The following RFX2 variants were observed in gnomAD, a reference collection of about 807,000 sequenced individuals.
The protein encoded by RFX2 is DNA-binding protein RFX2.
A neutral mutation model predicts 87.8 loss-of-function variants in RFX2; 20 were observed. That is an observed-to-expected ratio of 0.23 (90% CI 0.16 to 0.33). RFX2 has a LOEUF of 0.33. Among genes scored for constraint, RFX2 ranks in the 10% least tolerant of loss-of-function variants. RFX2 has a pLI of 1.00. For missense variants in RFX2, 767 were observed against 1,012.3 expected (o/e 0.76, Z 3.29); for synonymous variants, 397 against 431.3 (o/e 0.92, Z 0.98).
intron 5 of RFX2, among the ~76,000 whole-genome samples, chr19:6,031,457 T>TGGGCAA (rs2144744737): frequency 8.8e-6 from 1 of 113,870 alleles, no homozygotes; most frequent in South Asian, 3.1e-4. Flanking sequence ...TGAGATCGAG[T>TGGGCAA]CTCACTCTGT....
chr19:6,096,484 T>G (rs2088027137), intron 1 of RFX2, among the ~76,000 whole-genome samples: 2 of 152,172 alleles, frequency 1.3e-5, no homozygotes, highest in South Asian at 4.1e-4. Context: ...TCTTGCTCTG[T>G]CTCCCAGGCT....
At position 6,044,262 on chromosome 19, in the gene RFX2, G is replaced by C; in HGVS notation, c.111C>G (p.Ala37=). 6.4e-7 allele frequency: 1 copy of C among 1,569,426 alleles called. No individual in the cohort carries two copies. Among genetic ancestry groups the C allele is most frequent in the Non-Finnish European group, 8.6e-7 (1 of 1,157,480 alleles). ...TCTGGGCCCCTTTGGGATTGGAGCT[G>C]GCTGCCTGGACCAACACCCTCTAAA... is the stretch of plus-strand genomic sequence containing the variant. The part of the protein sequence containing the change: ...ASPQRVLVQA[A]SSNPKGAQMQ... The change falls in exon 3 of 18, where the codon GCC becomes GCG. Residue 37 remains alanine (A), a synonymous_variant. Transcript: ENST00000303657. This position sits in a 1 kb window ranked among gnomAD's most constrained non-coding sequence, Gnocchi z 5.3.
chr19:6,088,984 A>G (rs1318856983), intron 1 of RFX2, among the ~76,000 whole-genome samples: 1 of 152,196 alleles, frequency 6.6e-6, no homozygotes, highest in Non-Finnish European at 1.5e-5. Context: ...CTGAAATGTG[A>G]ATTTCAGATA....
In RFX2 at chr19:6,039,874, G is replaced by T; in HGVS notation, c.522+106C>A. The T allele has an allele frequency of 7.4e-7, 1 of 1,358,388 alleles. No individual in the cohort carries two copies. The highest frequency in any genetic ancestry group is 1.5e-5 in the South Asian group (1 of 64,668). 84.1% of individuals were successfully genotyped at this position (1,358,388 alleles called of 1,614,324 possible). A position where few individuals can be genotyped will look rare whatever the true frequency, so the allele number is the denominator to read the frequency against. ...GGGGCCGCCTGGGCCCAGAGCAGAC[G>T]ACAGCCCCTCCGGGCCTCCGGCTGC... On this transcript the variant is annotated intron_variant, in intron 5 of 17. Coordinates refer to ENST00000303657, the MANE Select transcript of RFX2 (RefSeq NM_000635.4). The surrounding 1 kb of genome is among the most constrained non-coding windows in gnomAD (Gnocchi z 5.2).
Position 6,095,919 on chromosome 19 carries a change from C to A in RFX2, c.-9+14474G>T, listed in dbSNP as rs570156116. ...TACATGAAATTCACATTTCAGCATCCATAAATAAAGTTTGATTGGCACACG... is the reference window on the plus strand; with the variant it reads ...TACATGAAATTCACATTTCAGCATCAATAAATAAAGTTTGATTGGCACACG... On this transcript the variant is annotated intron_variant, in intron 1 of 17. Transcript: ENST00000303657. Among the ~76,000 whole-genome samples, 55 of 152,298 alleles carry A rather than the reference C, an allele frequency of 3.6e-4. 1 individual carries two copies. In the South Asian group the frequency reaches 0.01, roughly 29 times the overall value.
intron 5 of RFX2, among the ~76,000 whole-genome samples, chr19:6,038,250 C>T (rs1401483765): frequency 6.9e-6 from 1 of 145,712 alleles, no homozygotes; most frequent in Non-Finnish European, 1.5e-5. Flanking sequence ...TCGCTTGAAC[C>T]CGGGAGGTGG....
rs1445619658 is a variant in RFX2, at chr19:6,058,222, G to GGC, written c.-8-10720_-8-10719dup. ...CTGCAGGGTGCTGAGCAGCATCCCT[G>GGC]GCCTCCGCTCACTCCATGCCAAGAG... On this transcript the variant is annotated intron_variant, in intron 1 of 17. Transcript: ENST00000303657. Among the ~76,000 whole-genome samples the GGC allele has an allele frequency of 2.6e-5, 4 of 152,144 alleles. No individual in the cohort carries two copies. In the East Asian group the frequency reaches 7.7e-4, roughly 29 times the overall value.
Position 6,002,698 on chromosome 19 carries a change from G to T in RFX2, c.1650+23C>A. The T allele has an allele frequency of 6.2e-7, 1 of 1,610,690 alleles. No individual in the cohort carries two copies. The highest frequency in any genetic ancestry group is 8.5e-7 in the Non-Finnish European group (1 of 1,178,220). On this transcript the variant is annotated intron_variant, in intron 14 of 17. Coordinates refer to ENST00000303657, the MANE Select transcript of RFX2 (RefSeq NM_000635.4). The surrounding 1 kb of genome is among the most constrained non-coding windows in gnomAD (Gnocchi z 6.7). ...CTGGAGGGCGGGAAGCCCGGGCCCTGGGGACGGTGTGGAGGAAGTCACCTG... is the reference window on the plus strand; with the variant it reads ...CTGGAGGGCGGGAAGCCCGGGCCCTTGGGACGGTGTGGAGGAAGTCACCTG...
intron 5 of RFX2, among the ~76,000 whole-genome samples, chr19:6,036,747 A>C (rs1381956092): frequency 6.6e-6 from 1 of 152,170 alleles, no homozygotes; most frequent in African/African-American, 2.4e-5. Context: ...AACCTGAAAA[A>C]GGGCATCTGT....
chr19:6,016,409 G>A lies in RFX2; in HGVS notation c.598-138C>T. Reference sequence around the variant, plus strand: ...GGAAATCCATCTTTTCTTTCTTTTTGAGGCGGAGTCTTGCTCTGTCACCCA... The same window carrying A: ...GGAAATCCATCTTTTCTTTCTTTTTAAGGCGGAGTCTTGCTCTGTCACCCA... On this transcript the variant is annotated intron_variant, in intron 6 of 17. Transcript: ENST00000303657. This position sits in a 1 kb window ranked among gnomAD's most constrained non-coding sequence, Gnocchi z 5.4. 1.7e-6 allele frequency: 1 copy of A among 595,914 alleles called. No homozygotes were observed. Among genetic ancestry groups the A allele is most frequent in the Admixed American group, 3.4e-5 (1 of 29,612 alleles). The allele number at this position is 595,914 out of a possible 1,614,324, so 36.9% of individuals were successfully genotyped here.
rs988001341 is a variant in RFX2 at position 6,012,214 on chromosome 19, T to C, written c.899+772A>G. 1.3e-5 allele frequency: 2 copies of C among 152,284 alleles called. No homozygotes were observed. The highest frequency in any genetic ancestry group is 4.8e-5 in the African/African-American group (2 of 41,466). 9.4% of individuals were successfully genotyped at this position (152,284 alleles called of 1,614,324 possible). On this transcript the variant is annotated intron_variant, in intron 8 of 17. Coordinates refer to ENST00000303657, the MANE Select transcript of RFX2 (RefSeq NM_000635.4). The surrounding 1 kb of genome is among the most constrained non-coding windows in gnomAD (Gnocchi z 4.6). The stretch of plus-strand genomic sequence containing the variant: ...AAAATAACCAGGGCTTTCCAGCCAC[T>C]GGATCCAAAGGTGAAGAAGAAGTCG...
chr19:6,100,744 A>G (rs2088110545), intron 1 of RFX2, among the ~76,000 whole-genome samples: 2 of 151,912 alleles, frequency 1.3e-5, no homozygotes, highest in African/African-American at 2.4e-5. Flanking sequence ...CTGCAAATTG[A>G]TGAGTCTTTT....
At chr19:6,090,968 T>G (rs1325351691) in intron 1 of RFX2, among the ~76,000 whole-genome samples, 1 of 152,194 alleles carries the variant, frequency 6.6e-6, no homozygotes, top group Non-Finnish European at 1.5e-5. Flanking sequence ...TCACATATTG[T>G]ATGATTCTAT....
At position 6,016,347 on chromosome 19, in the gene RFX2, G is replaced by T. The variant is rs2086726255; in HGVS notation, c.598-76C>A. The T allele has an allele frequency of 4.8e-6, 5 of 1,037,258 alleles. No individual in the cohort carries two copies. The highest frequency in any genetic ancestry group is 6.9e-6 in the Non-Finnish European group (5 of 722,858). The allele number at this position is 1,037,258 out of a possible 1,614,324, so 64.3% of individuals were successfully genotyped here. On this transcript the variant is annotated intron_variant, in intron 6 of 17. Coordinates refer to ENST00000303657, the MANE Select transcript of RFX2 (RefSeq NM_000635.4). This position sits in a 1 kb window ranked among gnomAD's most constrained non-coding sequence, Gnocchi z 5.4. ...ACATGCCAACGTGGACTCATTAAGA[G>T]AATTACTTGCGTTCCCTGTGTTACC... is the stretch of plus-strand genomic sequence containing the variant.
rs372075558 is a variant in RFX2, at chr19:6,001,779, C to A, written c.1859+36G>T. 1.3e-6 allele frequency: 2 copies of A among 1,542,560 alleles called. No individual in the cohort carries two copies. The highest frequency in any genetic ancestry group is 1.8e-6 in the Non-Finnish European group (2 of 1,136,858). On this transcript the variant is annotated intron_variant, in intron 15 of 17. Transcript: ENST00000303657. The surrounding 1 kb of genome is among the most constrained non-coding windows in gnomAD (Gnocchi z 5.6). ...AGAAGTTTCTCTCAGAGCCCCCCAC[C>A]CGCCAGAATTCTCTCGGAGGTCTGG...
intron 1 of RFX2, among the ~76,000 whole-genome samples, chr19:6,078,962 G>A (rs2144853896): frequency 6.6e-6 from 1 of 152,338 alleles, no homozygotes; most frequent in East Asian, 1.9e-4. Flanking sequence ...TTTTAGTAGA[G>A]ACGGGGTTTC....
At chr19:6,052,802 T>C (rs1460073376) in intron 1 of RFX2, among the ~76,000 whole-genome samples, 1 of 152,012 alleles carries the variant, frequency 6.6e-6, no homozygotes, top group African/African-American at 2.4e-5. Context: ...ATGGGTCAAA[T>C]AATAAACCCC....
At chr19:6,092,219 G>A (rs2144884626) in intron 1 of RFX2, among the ~76,000 whole-genome samples, 1 of 152,292 alleles carries the variant, frequency 6.6e-6, no homozygotes, top group East Asian at 1.9e-4. Flanking sequence ...ATAAGAAGAA[G>A]CCAACTATAA....
At chr19:6,028,146 TA>T (rs2086913678) in intron 5 of RFX2, among the ~76,000 whole-genome samples, 2 of 151,614 alleles carry the variant, frequency 1.3e-5, no homozygotes, top group African/African-American at 4.9e-5. Context: ...ATTAATTCAT[TA>T]AAAAATAATA....
Sources: gnomAD v4.1 joint callset for allele counts (sites outside exome capture counted in the v4.1 genomes callset) on GRCh38, gnomAD v4.1.1 for gene constraint, Gnocchi (gnomAD v3.1) non-coding constraint, MANE v1.5 for transcripts, NCBI Gene and HGNC (gene_info 2026-07-23, HGNC 2026-07-21) for gene names.